Variants in ZNF562 observed in about 807,000 individuals in gnomAD.
ZNF562 encodes the protein zinc finger protein 562.
ZNF562 carries 13 observed loss-of-function variants against 17.5 expected under a neutral mutation model. The ratio of observed to expected loss-of-function variants is 0.74; its 90% CI spans 0.48 to 1.18. ZNF562 has a LOEUF of 1.18. ZNF562 is among the 50% of genes most tolerant of loss of function. The pLI, the probability that ZNF562 is intolerant of heterozygous loss-of-function variation, is 0.00. For missense variants in ZNF562, 481 were observed against 498.5 expected, an observed-to-expected ratio of 0.96 and a Z score of 0.33; for synonymous variants, 163 against 165.4, an observed-to-expected ratio of 0.99 and a Z score of 0.11.
rs1279670471 is a variant in ZNF562 at position 9,648,441 on chromosome 19, T to TAC, written c.*4506_*4507dup. 6.6e-6 allele frequency: 1 copy of TAC among 152,190 alleles called. No homozygotes were observed. The highest frequency in any genetic ancestry group is 1.5e-5 in the Non-Finnish European group (1 of 68,052). The allele number at this position is 152,190 out of a possible 1,614,324, so 9.4% of individuals were successfully genotyped here. ...CTTCAGCCTCCCAAGTAGCTGGGAT[T>TAC]ACAGGTGCACATCACCACACCCAGC... On this transcript the variant is annotated 3_prime_UTR_variant, in exon 6 of 6. Coordinates refer to ENST00000453372, the MANE Select transcript of ZNF562 (RefSeq NM_001130031.2).
At chr19:9,656,871 A>AAT (rs142526474) in intron 4 of ZNF562, among the ~76,000 whole-genome samples, 4,872 of 142,364 alleles carry the variant, frequency 0.034, 96 homozygotes, top group Non-Finnish European at 0.04. Context: ...AAAATACAAA[A>AAT]ATATATATAT....
chr19:9,670,877 A>G (rs2044170059), intron 1 of ZNF562, among the ~76,000 whole-genome samples: 1 of 151,908 alleles, frequency 6.6e-6, no homozygotes, highest in Non-Finnish European at 1.5e-5. Context: ...GCACCCCTTA[A>G]TCCTAGCTAC....
rs528697437 is a variant in ZNF562, at chr19:9,642,945, G to C, written c.*10004C>G. The C allele has an allele frequency of 1.4e-4, 22 of 152,074 alleles. No homozygotes were observed. The South Asian group carries it at 4.6e-3, about 32-fold the overall frequency. 9.4% of individuals were successfully genotyped at this position (152,074 alleles called of 1,614,324 possible). A position where few individuals can be genotyped will look rare whatever the true frequency, so the allele number is the denominator to read the frequency against. On this transcript the variant is annotated 3_prime_UTR_variant, in exon 6 of 6. Coordinates refer to ENST00000453372, the MANE Select transcript of ZNF562 (RefSeq NM_001130031.2). ...CATTCCCAGCTACTCAGAAGGCTGA[G>C]GTGAGAGGATTGCTTGAGCCCAGGA...
chr19:9,655,823 C>T (rs2043459595), intron 5 of ZNF562, among the ~76,000 whole-genome samples: 1 of 138,848 alleles, frequency 7.2e-6, no homozygotes, highest in African/African-American at 2.7e-5. Flanking sequence ...GCAACCTCGG[C>T]CTCTGGGTAA....
rs1019049546 is a variant in ZNF562 at position 9,644,857 on chromosome 19, G to A, written c.*8092C>T. 1 of 152,128 alleles carries A rather than the reference G, an allele frequency of 6.6e-6. No individual in the cohort carries two copies. The highest frequency in any genetic ancestry group is 6.6e-5 in the Admixed American group (1 of 15,250). 9.4% of individuals were successfully genotyped at this position (152,128 alleles called of 1,614,324 possible). A position where few individuals can be genotyped will look rare whatever the true frequency, so the allele number is the denominator to read the frequency against. On this transcript the variant is annotated 3_prime_UTR_variant, in exon 6 of 6. Coordinates refer to ENST00000453372, the MANE Select transcript of ZNF562 (RefSeq NM_001130031.2). Reference sequence around the variant, plus strand: ...AGCTACAATTCAAGATGACATTTGGGTGGGGACACAGCCAAACCATATCAG... The same window carrying A: ...AGCTACAATTCAAGATGACATTTGGATGGGGACACAGCCAAACCATATCAG...
chr19:9,656,793 G>T, intron 4 of ZNF562, 140 bp from the exon 5 acceptor site: 1 of 734,344 alleles, frequency 1.4e-6, no homozygotes, highest in Non-Finnish European at 2.2e-6. Flanking sequence ...GGGAGGCTGA[G>T]GTGGGTGGAT....
chr19:9,655,246 C>A (rs1404312401), intron 5 of ZNF562, among the ~76,000 whole-genome samples: 4 of 152,196 alleles, frequency 2.6e-5, no homozygotes, highest in African/African-American at 9.6e-5. Context: ...GCCTCAGCTT[C>A]CCAAAGTGCT....
intron 4 of ZNF562, among the ~76,000 whole-genome samples, chr19:9,656,871 A>AAATATATATATATAT (rs376933513): frequency 1.4e-5 from 2 of 142,436 alleles, no homozygotes; most frequent in African/African-American, 5.2e-5. Context: ...AAAATACAAA[A>AAATATATATATATAT]ATATATATAT....
chr19:9,672,537 A>C (rs1480764576), intron 1 of ZNF562, among the ~76,000 whole-genome samples: 1 of 152,138 alleles, frequency 6.6e-6, no homozygotes, highest in Non-Finnish European at 1.5e-5. Flanking sequence ...TTTTCAGAAA[A>C]AAATGTAAAA....
chr19:9,672,148 AG>A lies in ZNF562; in HGVS notation c.-131+2866del, dbSNP rs1162870714. 3.3e-5 allele frequency among the ~76,000 whole-genome samples: 5 copies of A among 152,364 alleles called. No homozygotes were observed. In the East Asian group the frequency reaches 9.6e-4, roughly 29 times the overall value. On this transcript the variant is annotated intron_variant, in intron 1 of 5. Coordinates refer to ENST00000453372, the MANE Select transcript of ZNF562 (RefSeq NM_001130031.2). The stretch of plus-strand genomic sequence containing the variant: ...TATAATGGACAGTAATAACTGTTAT[AG>A]GCAAAAAGACACTGAAGACACTGAC...
chr19:9,668,320 C>T (rs1305219639), intron 1 of ZNF562, among the ~76,000 whole-genome samples: 2 of 151,886 alleles, frequency 1.3e-5, no homozygotes, highest in South Asian at 2.1e-4. Context: ...AAGGCTGCTG[C>T]ATGAGCTACA....
chr19:9,659,765 T>A (rs1387418751), intron 2 of ZNF562, among the ~76,000 whole-genome samples: 2 of 151,262 alleles, frequency 1.3e-5, no homozygotes, highest in African/African-American at 4.9e-5. Flanking sequence ...TATGTAGCAT[T>A]TCCAAAGGCA....
intron 1 of ZNF562, among the ~76,000 whole-genome samples, chr19:9,672,777 CTTTTTTTTTTTT>C (rs869261585): frequency 8.9e-6 from 1 of 112,236 alleles, no homozygotes; most frequent in African/African-American, 3.5e-5. Context: ...TATTGCCTTT[CTTTTTTTTTTTT>C]TTTTTTTTTT....
chr19:9,671,042 A>C (rs2044180804), intron 1 of ZNF562, among the ~76,000 whole-genome samples: 1 of 151,974 alleles, frequency 6.6e-6, no homozygotes, highest in South Asian at 2.1e-4. Flanking sequence ...TAAAATATAC[A>C]GTTAGAAGAA....
Position 9,673,789 on chromosome 19 carries a change from T to A in ZNF562, c.-131+1226A>T, listed in dbSNP as rs370578749. On this transcript the variant is annotated intron_variant, in intron 1 of 5. Coordinates refer to ENST00000453372, the MANE Select transcript of ZNF562 (RefSeq NM_001130031.2). Reference sequence around the variant, plus strand: ...AAAAATAAGTGGCGGGTGGATCACTTGAGGTCAGGAGTTCGAGACCAGCCT... The same window carrying A: ...AAAAATAAGTGGCGGGTGGATCACTAGAGGTCAGGAGTTCGAGACCAGCCT... Among the ~76,000 whole-genome samples, 9 of 152,228 alleles carry A rather than the reference T, an allele frequency of 5.9e-5. No homozygotes were observed. The East Asian group carries it at 1.2e-3, about 20-fold the overall frequency.
At chr19:9,674,197 A>G (rs1255796146) in intron 1 of ZNF562, among the ~76,000 whole-genome samples, 2 of 152,084 alleles carry the variant, frequency 1.3e-5, no homozygotes, top group Non-Finnish European at 1.5e-5. Context: ...TTTGTTGGGG[A>G]AAATGGTTAT....
At chr19:9,659,239 A>G in intron 3 of ZNF562, 140 bp downstream of exon 3, 1 of 734,288 alleles carries the variant, frequency 1.4e-6, no homozygotes, top group Middle Eastern at 2.4e-4. Flanking sequence ...TCCCTGGGGA[A>G]ATTCACCTGG....
chr19:9,670,317 T>C (rs2044140990), intron 1 of ZNF562, among the ~76,000 whole-genome samples: 1 of 152,030 alleles, frequency 6.6e-6, no homozygotes, highest in Admixed American at 6.6e-5. Flanking sequence ...TGATCTGGAA[T>C]CCCATTGGGT....
chr19:9,669,734 G>GCGCACACACACACACACA (rs1221319747), intron 1 of ZNF562, among the ~76,000 whole-genome samples: 1 of 109,302 alleles, frequency 9.1e-6, no homozygotes, highest in African/African-American at 3.6e-5. Context: ...GCGCGCGCGC[G>GCGCACACACACACACACA]CACACACACA....
Sources: gnomAD v4.1 joint callset for allele counts (sites outside exome capture counted in the v4.1 genomes callset) on GRCh38, gnomAD v4.1.1 for gene constraint, MANE v1.5 for transcripts, NCBI Gene and HGNC (gene_info 2026-07-23, HGNC 2026-07-21) for gene names.